RANBP17: variants seen among roughly 807,000 people sequenced by gnomAD.
RANBP17 encodes the protein ran-binding protein 17.
In RANBP17, 158 loss-of-function variants were observed where a neutral mutation model predicts 141.2. That is an observed-to-expected ratio of 1.12 (90% CI 0.98 to 1.28). The LOEUF is 1.28. RANBP17 is among the 50% of genes most tolerant of loss of function. The pLI, the probability that RANBP17 is intolerant of heterozygous loss-of-function variation, is 0.00. For synonymous variants in RANBP17, 430 were observed against 450.0 expected (o/e 0.96, Z 0.56); for missense variants, 1,438 against 1,290.7 (o/e 1.11, Z -1.75).
intron 14 of RANBP17, among the ~76,000 whole-genome samples, chr5:171,023,189 T>G (rs1477554543): frequency 6.6e-6 from 1 of 152,230 alleles, no homozygotes; most frequent in Non-Finnish European, 1.5e-5. Context: ...AATGGGACCC[T>G]CTGAACGCCG....
In RANBP17 at chr5:170,906,692, A is replaced by G. The variant is rs529288458; in HGVS notation, c.490-2969A>G. Among the ~76,000 whole-genome samples, 10 of 152,018 alleles carry G rather than the reference A, an allele frequency of 6.6e-5. No homozygotes were observed. The South Asian group carries it at 1.0e-3, about 16-fold the overall frequency. ...TACTATGGATTCCTCGTTTCATTCT[A>G]TTTAATAGGTTATAATTCATTGCTA... On this transcript the variant is annotated intron_variant, in intron 5 of 27. Transcript: ENST00000523189.
intron 24 of RANBP17, among the ~76,000 whole-genome samples, chr5:171,247,306 T>C (rs763802999): frequency 1.4e-4 from 21 of 152,194 alleles, no homozygotes; most frequent in Non-Finnish European, 2.1e-4. Context: ...AGATTCACAT[T>C]GTAACCACTG....
At chr5:171,168,546 G>C (rs764144169) in intron 14 of RANBP17, among the ~76,000 whole-genome samples, 2 of 152,108 alleles carry the variant, frequency 1.3e-5, no homozygotes, top group Non-Finnish European at 2.9e-5. Context: ...TGAGCTTAGG[G>C]AAACTTTCTG....
At chr5:170,923,601 A>C (rs1190218850) in intron 11 of RANBP17, among the ~76,000 whole-genome samples, 1 of 152,188 alleles carries the variant, frequency 6.6e-6, no homozygotes, top group Non-Finnish European at 1.5e-5. Context: ...ACATCTCAAC[A>C]ATATTGAGTC....
intron 12 of RANBP17, among the ~76,000 whole-genome samples, chr5:170,935,732 C>G (rs924422685): frequency 1.3e-5 from 2 of 152,162 alleles, no homozygotes; most frequent in African/African-American, 2.4e-5. Flanking sequence ...AGTTAGGCTA[C>G]TCGGGACTCA....
In RANBP17 at chr5:170,932,958, G is replaced by A. The variant is rs368359943; in HGVS notation, c.1468+8408G>A. Among the ~76,000 whole-genome samples, 59 of 152,136 alleles carry A rather than the reference G, an allele frequency of 3.9e-4. 1 individual carries two copies. The South Asian group carries it at 0.012, about 30-fold the overall frequency. On this transcript the variant is annotated intron_variant, in intron 12 of 27. Transcript: ENST00000523189. ...ATTAGGGAGGATTCCCTCTTTTTCT[G>A]TTGATTGGAATAGTTTGAGAAGGAA... is the stretch of plus-strand genomic sequence containing the variant.
At chr5:171,065,120 G>C (rs1447125868) in intron 14 of RANBP17, among the ~76,000 whole-genome samples, 1 of 152,120 alleles carries the variant, frequency 6.6e-6, no homozygotes, top group African/African-American at 2.4e-5. Context: ...TGCATATATA[G>C]ATTTACTTTT....
chr5:170,944,056 A>C (rs1420998812), intron 12 of RANBP17, among the ~76,000 whole-genome samples: 1 of 151,946 alleles, frequency 6.6e-6, no homozygotes, highest in African/African-American at 2.4e-5. Context: ...CTCTGTTCCT[A>C]TGTATTCTAC....
chr5:171,034,113 AAAT>A (rs1372303549), intron 14 of RANBP17, among the ~76,000 whole-genome samples: 3 of 152,170 alleles, frequency 2.0e-5, no homozygotes, highest in African/African-American at 7.2e-5. Flanking sequence ...TGTCTCTAAA[AAAT>A]AATAATAAAT....
chr5:171,213,842 A>G (rs1056783751), intron 21 of RANBP17, 104 bp downstream of exon 21: 24 of 850,950 alleles, frequency 2.8e-5, no homozygotes, highest in Non-Finnish European at 4.4e-5. Flanking sequence ...GTAGTTAGCA[A>G]GAGCCCAGGA....
intron 14 of RANBP17, among the ~76,000 whole-genome samples, chr5:171,116,801 CCTT>C (rs1328568127): frequency 6.6e-6 from 1 of 152,148 alleles, no homozygotes; most frequent in Non-Finnish European, 1.5e-5. Flanking sequence ...ACAAATCTCT[CCTT>C]ATCTTCCTAT....
At chr5:171,139,944 G>A (rs77071412) in intron 14 of RANBP17, among the ~76,000 whole-genome samples, 9,244 of 152,054 alleles carry the variant, frequency 0.061, 370 homozygotes, top group East Asian at 0.12. Flanking sequence ...AACCCCACTC[G>A]TCTAGCCAGC....
At chr5:171,105,525 T>C (rs1754762261) in intron 14 of RANBP17, among the ~76,000 whole-genome samples, 1 of 151,706 alleles carries the variant, frequency 6.6e-6, no homozygotes, top group African/African-American at 2.4e-5. Flanking sequence ...AGCAAAAACC[T>C]GTCTTTACAA....
Position 171,108,351 on chromosome 5 carries a change from G to A in RANBP17, c.1711-61779G>A, listed in dbSNP as rs148130828. Among the ~76,000 whole-genome samples, 439 of 152,108 alleles carry A rather than the reference G, an allele frequency of 2.9e-3. 4 individuals carry two copies. The highest frequency in any genetic ancestry group is 9.7e-3 in the African/African-American group (404 of 41,508). The stretch of plus-strand genomic sequence containing the variant: ...TTTACTAGAAAAAAACTCACACATA[G>A]CATATCAACATACTTTAAAAATAAG... On this transcript the variant is annotated intron_variant, in intron 14 of 27. Transcript: ENST00000523189.
intron 14 of RANBP17, among the ~76,000 whole-genome samples, chr5:170,988,373 A>ACT (rs1554148676): frequency 6.8e-6 from 1 of 146,780 alleles, no homozygotes. Context: ...TTAGTGTTTG[A>ACT]TTTTTTTTTT....
intron 20 of RANBP17, chr5:171,205,824 G>A (rs560360975): frequency 3.0e-6 from 2 of 662,464 alleles, no homozygotes; most frequent in South Asian, 3.1e-5. Context: ...CTTTTTTGGT[G>A]CCGTTAAATA....
chr5:170,894,477 A>G (rs1348035702), intron 4 of RANBP17, among the ~76,000 whole-genome samples: 1 of 52,052 alleles, frequency 1.9e-5, no homozygotes, highest in Non-Finnish European at 3.9e-5. Flanking sequence ...AATAGTTAGT[A>G]CGTGTTTTTT....
intron 21 of RANBP17, among the ~76,000 whole-genome samples, chr5:171,219,065 A>C (rs1343667873): frequency 2.6e-5 from 4 of 152,072 alleles, no homozygotes; most frequent in African/African-American, 9.7e-5. Context: ...TTACTTTAGG[A>C]GCTCTTGTAA....
At chr5:171,122,088 A>C (rs994004575) in intron 14 of RANBP17, among the ~76,000 whole-genome samples, 1 of 152,048 alleles carries the variant, frequency 6.6e-6, no homozygotes, top group African/African-American at 2.4e-5. Flanking sequence ...TTTTCCCTGC[A>C]ATAGGACCTC....
Sources: gnomAD v4.1 joint callset for allele counts (sites outside exome capture counted in the v4.1 genomes callset) on GRCh38, gnomAD v4.1.1 for gene constraint, MANE v1.5 for transcripts, NCBI Gene and HGNC (gene_info 2026-07-23, HGNC 2026-07-21) for gene names.